The following TNRC6A variants were observed in gnomAD, a reference collection of about 807,000 sequenced individuals.
The protein encoded by TNRC6A is trinucleotide repeat containing adaptor 6A.
A neutral mutation model predicts 221.2 loss-of-function variants in TNRC6A; 44 were observed. The ratio of observed to expected loss-of-function variants is 0.20; its 90% CI spans 0.16 to 0.26. The LOEUF (loss-of-function observed/expected upper bound fraction) is 0.26. Among genes scored for constraint, TNRC6A ranks in the 10% least tolerant of loss-of-function variants. TNRC6A has a pLI of 1.00. For synonymous variants in TNRC6A, 847 were observed against 838.5 expected, an observed-to-expected ratio of 1.01 and a Z score of -0.18; for missense variants, 2,199 against 2,404.4, an observed-to-expected ratio of 0.91 and a Z score of 1.79.
At chr16:24,811,150 A>G (rs1369994077) in intron 18 of TNRC6A, among the ~76,000 whole-genome samples, 1 of 152,162 alleles carries the variant, frequency 6.6e-6, no homozygotes, top group Non-Finnish European at 1.5e-5. Flanking sequence ...GGAGCACAGG[A>G]GCTGAACAGG....
Position 24,809,411 on chromosome 16 carries a change from A to T in TNRC6A, c.4602A>T (p.Arg1534Ser). The T allele has an allele frequency of 6.2e-7, 1 of 1,602,990 alleles. No individual in the cohort carries two copies. Among genetic ancestry groups the T allele is most frequent in the Non-Finnish European group, 8.5e-7 (1 of 1,173,190 alleles). ...DMNSIKEPQS[R>S]LRKWTTVDSI... Reference sequence around the variant, plus strand: ...ACAGTATTAAAGAGCCACAGTCAAGACTAAGGAAGTGGACGACAGTGGACA... The same window carrying T: ...ACAGTATTAAAGAGCCACAGTCAAGTCTAAGGAAGTGGACGACAGTGGACA... Residue 1534 changes from arginine (R) to serine (S), a missense_variant, in exon 18 of 25, where the codon AGA becomes AGT. Around this residue, in one of 8 missense-constraint regions of TNRC6A, gnomAD observed 449 missense variants for 579.7 expected, o/e 0.77. Transcript: ENST00000395799.
chr16:24,811,633 T>C (rs1423759798), intron 18 of TNRC6A, among the ~76,000 whole-genome samples: 2 of 151,952 alleles, frequency 1.3e-5, no homozygotes, highest in African/African-American at 4.8e-5. Context: ...TGGAGAGTAC[T>C]AAGCCAGGAG....
intron 2 of TNRC6A, among the ~76,000 whole-genome samples, chr16:24,744,633 T>C (rs541845081): frequency 1.3e-5 from 2 of 152,284 alleles, no homozygotes; most frequent in Non-Finnish European, 2.9e-5. Context: ...TTCCCACTTT[T>C]TGAGATCCAT....
intron 5 of TNRC6A, among the ~76,000 whole-genome samples, chr16:24,781,741 C>T (rs927434047): frequency 3.9e-5 from 6 of 152,094 alleles, no homozygotes; most frequent in Non-Finnish European, 5.9e-5. Context: ...AACCACCCAT[C>T]TAGAAACCTT....
intron 2 of TNRC6A, among the ~76,000 whole-genome samples, chr16:24,672,603 G>A (rs1294717557): frequency 6.6e-6 from 1 of 151,872 alleles, no homozygotes; most frequent in African/African-American, 2.4e-5. Flanking sequence ...CACCATGCCT[G>A]GCTAATTTTT....
chr16:24,753,416 C>G (rs2057180267), intron 3 of TNRC6A, among the ~76,000 whole-genome samples: 2 of 152,348 alleles, frequency 1.3e-5, no homozygotes, highest in African/African-American at 4.8e-5. Context: ...TTTAATACCT[C>G]TAATAAATGT....
intron 4 of TNRC6A, among the ~76,000 whole-genome samples, chr16:24,767,839 T>G (rs2057505972): frequency 6.6e-6 from 1 of 152,204 alleles, no homozygotes; most frequent in African/African-American, 2.4e-5. Flanking sequence ...TAACTTCTAC[T>G]TGAATGTTCA....
chr16:24,629,752 G>A (rs1901236905), intron 1 of TNRC6A, among the ~76,000 whole-genome samples: 1 of 152,144 alleles, frequency 6.6e-6, no homozygotes, highest in Non-Finnish European at 1.5e-5. Flanking sequence ...GCCGAGGCAG[G>A]TGAATTGTTT....
chr16:24,723,648 C>T (rs1311214303), intron 2 of TNRC6A, among the ~76,000 whole-genome samples: 1 of 150,724 alleles, frequency 6.6e-6, no homozygotes, highest in Non-Finnish European at 1.5e-5. Context: ...GAGTTAATTC[C>T]ACAAAATGAG....
intron 2 of TNRC6A, among the ~76,000 whole-genome samples, chr16:24,712,320 G>A (rs2056220564): frequency 6.6e-6 from 1 of 152,110 alleles, no homozygotes; most frequent in Admixed American, 6.6e-5. Flanking sequence ...AACACATATT[G>A]TGTTATTTTG....
At chr16:24,787,871 G>A (rs2058008258) in intron 5 of TNRC6A, among the ~76,000 whole-genome samples, 1 of 152,050 alleles carries the variant, frequency 6.6e-6, no homozygotes, top group Admixed American at 6.5e-5. Flanking sequence ...TTATCTCCTA[G>A]GCCTACAACC....
Position 24,790,274 on chromosome 16 carries a change from C to T in TNRC6A, c.1632C>T (p.Asp544=), listed in dbSNP as rs753699209. The part of the protein sequence containing the change: ...CSGPNGQANG[D]TVNATLMQPG... ...GCCCTAATGGCCAAGCTAATGGTGACACTGTGAATGCAACTCTAATGCAGC... is the reference window on the plus strand; with the variant it reads ...GCCCTAATGGCCAAGCTAATGGTGATACTGTGAATGCAACTCTAATGCAGC... The change falls in exon 6 of 25, where the codon GAC becomes GAT. Residue 544 remains aspartate (D), a synonymous_variant. Transcript: ENST00000395799. 9 of 1,614,066 alleles carry T rather than the reference C, an allele frequency of 5.6e-6. No individual in the cohort carries two copies. The African/African-American group carries it at 1.1e-4, about 19-fold the overall frequency.
In TNRC6A at chr16:24,823,694, A is replaced by T. The variant is rs753681623; in HGVS notation, c.5776A>T (p.Thr1926Ser). 1 of 1,605,090 alleles carries T rather than the reference A, an allele frequency of 6.2e-7. No individual in the cohort carries two copies. Among genetic ancestry groups the T allele is most frequent in the South Asian group, 1.1e-5 (1 of 89,934 alleles). The change falls in exon 25 of 25, where the codon ACA becomes TCA. Residue 1926 changes from threonine to serine, a missense_variant. By Grantham distance (58) the Thr-to-Ser change is moderately conservative. Transcript: ENST00000395799. The surrounding 1 kb of genome is among the most constrained non-coding windows in gnomAD (Gnocchi z 4.3). ...ACTCTGGGGGACCCCGCATTATTCC[A>T]CAAGCCTGTGGGGTCCCCCAAGCAG... ...TSLWGTPHYS[T>S]SLWGPPSSSD...
chr16:24,681,471 G>A (rs1385338129), intron 2 of TNRC6A, among the ~76,000 whole-genome samples: 1 of 151,476 alleles, frequency 6.6e-6, no homozygotes, highest in Non-Finnish European at 1.5e-5. Context: ...CAAGTGATCC[G>A]CCTGCCTCAG....
At chr16:24,704,664 C>CAAAAAAAAAAACAAAAAAAA (rs2056058582) in intron 2 of TNRC6A, among the ~76,000 whole-genome samples, 1 of 69,464 alleles carries the variant, frequency 1.4e-5, no homozygotes, top group Non-Finnish European at 2.8e-5. Flanking sequence ...GACTCCGTCT[C>CAAAAAAAAAAACAAAAAAAA]AAAAAAAAAA....
At chr16:24,705,333 A>ATT (rs113333291) in intron 2 of TNRC6A, among the ~76,000 whole-genome samples, 20 of 143,424 alleles carry the variant, frequency 1.4e-4, no homozygotes, top group African/African-American at 2.8e-4. Flanking sequence ...TATTAGATGA[A>ATT]TTTTTTTTTT....
chr16:24,614,604 AT>A (rs1049893927), intron 1 of TNRC6A, among the ~76,000 whole-genome samples: 2 of 151,996 alleles, frequency 1.3e-5, no homozygotes, highest in African/African-American at 2.4e-5. Flanking sequence ...TTCTCACGGG[AT>A]TTTTTTGGGA....
At chr16:24,805,540 C>G in intron 14 of TNRC6A, 65 bp from the exon 15 acceptor site, 1 of 1,587,592 alleles carries the variant, frequency 6.3e-7, no homozygotes, top group South Asian at 1.2e-5. Flanking sequence ...ACTGAAAACA[C>G]ACAGTACGTG....
At chr16:24,712,733 T>G (rs936198371) in intron 2 of TNRC6A, among the ~76,000 whole-genome samples, 5 of 152,194 alleles carry the variant, frequency 3.3e-5, no homozygotes, top group Non-Finnish European at 5.9e-5. Flanking sequence ...TTCTCTATGC[T>G]TGAAGAATCT....
Sources: gnomAD v4.1 joint callset for allele counts (sites outside exome capture counted in the v4.1 genomes callset) on GRCh38, gnomAD v4.1.1 for gene constraint, gnomAD v4.1.1 regional missense constraint, Gnocchi (gnomAD v3.1) non-coding constraint, MANE v1.5 for transcripts, NCBI Gene and HGNC (gene_info 2026-07-23, HGNC 2026-07-21) for gene names.